DNAH7: variants seen among roughly 807,000 people sequenced by gnomAD.
DNAH7 encodes axonemal beta dynein heavy chain 7.
DNAH7 carries 397 observed loss-of-function variants against 444.6 expected under a neutral mutation model. The observed-to-expected ratio is 0.89, with a 90% CI of 0.82 to 0.97. The LOEUF is 0.97. Ranked by LOEUF, DNAH7 falls within the 50% of genes least tolerant of loss-of-function variation. The pLI is 0.00. For synonymous variants in DNAH7, 1,636 were observed against 1,624.4 expected (o/e 1.01, Z -0.17); for missense variants, 4,902 against 4,800.8 (o/e 1.02, Z -0.62).
intron 59 of DNAH7, 143 bp from the exon 60 acceptor site, chr2:195,776,126 T>C (rs754654294): frequency 2.3e-5 from 25 of 1,099,920 alleles, no homozygotes; most frequent in Non-Finnish European, 3.2e-5. Context: ...TTCACTTTCT[T>C]TCAGCCTGGG....
At chr2:195,943,433 T>G (rs1483929089) in intron 19 of DNAH7, among the ~76,000 whole-genome samples, 1 of 152,146 alleles carries the variant, frequency 6.6e-6, no homozygotes, top group Non-Finnish European at 1.5e-5. Flanking sequence ...AGTAAGTCAA[T>G]GAATGACAGT....
intron 61 of DNAH7, among the ~76,000 whole-genome samples, chr2:195,761,340 A>T (rs1694340569): frequency 6.6e-6 from 1 of 152,138 alleles, no homozygotes; most frequent in Admixed American, 6.6e-5. Flanking sequence ...AAGATCTAGA[A>T]AATAGCCTTA....
At chr2:195,963,661 G>A (rs1017866526) in intron 17 of DNAH7, among the ~76,000 whole-genome samples, 2 of 152,018 alleles carry the variant, frequency 1.3e-5, no homozygotes, top group Admixed American at 1.3e-4. Context: ...GTGCTTGTGG[G>A]GTATTACTCA....
intron 27 of DNAH7, among the ~76,000 whole-genome samples, chr2:195,906,410 AAC>A (rs150739355): frequency 5.1e-4 from 71 of 139,730 alleles, no homozygotes; most frequent in African/African-American, 1.6e-3. Context: ...TACACACAGA[AAC>A]ACACACACAC....
At chr2:195,953,653 G>C (rs1011785220) in intron 19 of DNAH7, among the ~76,000 whole-genome samples, 1 of 152,208 alleles carries the variant, frequency 6.6e-6, no homozygotes. Flanking sequence ...GGAATCTAGA[G>C]AGACAGTCTG....
intron 47 of DNAH7, among the ~76,000 whole-genome samples, chr2:195,840,908 G>A (rs888983980): frequency 2.6e-5 from 4 of 151,752 alleles, no homozygotes; most frequent in South Asian, 4.1e-4. Flanking sequence ...CAAATCCCAG[G>A]AAGATTTTGT....
intron 10 of DNAH7, among the ~76,000 whole-genome samples, chr2:196,006,173 G>A (rs1694363398): frequency 6.6e-6 from 1 of 152,026 alleles, no homozygotes; most frequent in South Asian, 2.1e-4. Flanking sequence ...AATTAGCTGG[G>A]CACATGCCTG....
chr2:195,973,494 TG>T (rs982194230), intron 15 of DNAH7, among the ~76,000 whole-genome samples: 6 of 152,124 alleles, frequency 3.9e-5, no homozygotes, highest in African/African-American at 1.4e-4. Context: ...TTTTTTGAGA[TG>T]GAGTCTCACT....
chr2:195,827,171 G>A (rs149885290), intron 48 of DNAH7, among the ~76,000 whole-genome samples: 90 of 152,310 alleles, frequency 5.9e-4, no homozygotes, highest in Non-Finnish European at 1.1e-3. Flanking sequence ...TGGATGGCAG[G>A]AACAACCAGC....
At chr2:195,942,907 G>T (rs1043869021) in intron 19 of DNAH7, among the ~76,000 whole-genome samples, 1 of 152,078 alleles carries the variant, frequency 6.6e-6, no homozygotes, top group African/African-American at 2.4e-5. Flanking sequence ...ATGGTTTGTT[G>T]TCCCCACCCA....
At chr2:196,050,289 A>C (rs1697382542) in intron 3 of DNAH7, among the ~76,000 whole-genome samples, 1 of 152,168 alleles carries the variant, frequency 6.6e-6, no homozygotes, top group Admixed American at 6.5e-5. Flanking sequence ...TACCTAGAGT[A>C]GTCAAATACA....
At chr2:195,743,380 C>T (rs1693169079) in intron 63 of DNAH7, among the ~76,000 whole-genome samples, 1 of 152,206 alleles carries the variant, frequency 6.6e-6, no homozygotes, top group Admixed American at 6.5e-5. Context: ...CCTATTAGTT[C>T]TGTCCCTCTA....
intron 58 of DNAH7, among the ~76,000 whole-genome samples, chr2:195,785,997 T>G (rs575939279): frequency 6.6e-6 from 1 of 152,330 alleles, no homozygotes; most frequent in East Asian, 1.9e-4. Context: ...TTGAATATTT[T>G]GTCAAATTTA....
chr2:195,796,237 C>T (rs1341068780), intron 56 of DNAH7, among the ~76,000 whole-genome samples: 1 of 152,122 alleles, frequency 6.6e-6, no homozygotes, highest in African/African-American at 2.4e-5. Flanking sequence ...AACAGTCCTC[C>T]TTGGTTGCTT....
intron 47 of DNAH7, among the ~76,000 whole-genome samples, chr2:195,837,871 A>G (rs1474257431): frequency 6.6e-6 from 1 of 152,094 alleles, no homozygotes; most frequent in Non-Finnish European, 1.5e-5. Flanking sequence ...CTTTGCCCCC[A>G]GTGTTGGCAT....
intron 8 of DNAH7, among the ~76,000 whole-genome samples, chr2:196,021,733 G>A (rs1302415384): frequency 6.6e-6 from 1 of 152,074 alleles, no homozygotes; most frequent in Non-Finnish European, 1.5e-5. Context: ...AATGTGGGAG[G>A]ATCACTTGGG....
chr2:195,805,172 G>A (rs1054448955), intron 54 of DNAH7, among the ~76,000 whole-genome samples: 1 of 152,010 alleles, frequency 6.6e-6, no homozygotes, highest in East Asian at 1.9e-4. Context: ...TTGAACTGGG[G>A]GAAAATATTT....
At chr2:195,886,512 G>A (rs383410) in intron 33 of DNAH7, among the ~76,000 whole-genome samples, 44,511 of 151,934 alleles carry the variant, frequency 0.29, 9,542 homozygotes, top group African/African-American at 0.61. Flanking sequence ...TTGCTGTTAC[G>A]TGTGCAGTTA....
intron 58 of DNAH7, among the ~76,000 whole-genome samples, chr2:195,781,976 TAC>T (rs59244207): frequency 0.22 from 28,943 of 129,492 alleles, 2,997 homozygotes; most frequent in South Asian, 0.32. Context: ...GTGGGTCTTA[TAC>T]ACACACACAC....
Sources: allele counts gnomAD v4.1 joint callset (sites outside exome capture counted in the v4.1 genomes callset), GRCh38; gene constraint gnomAD v4.1.1; transcripts MANE v1.5; gene names NCBI Gene and HGNC (gene_info 2026-07-23, HGNC 2026-07-21).